The following GRM5 variants were observed in gnomAD, a reference collection of about 807,000 sequenced individuals.
The protein encoded by GRM5 is glutamate metabotropic receptor 5.
Under a neutral mutation model 83.1 loss-of-function variants are expected in GRM5, and 19 were observed. The ratio of observed to expected loss-of-function variants is 0.23; its 90% CI spans 0.16 to 0.34. The LOEUF (loss-of-function observed/expected upper bound fraction) is 0.34. GRM5 is among the 10% of genes least tolerant of loss of function. The pLI, the probability that GRM5 is intolerant of heterozygous loss-of-function variation, is 1.00. For missense variants in GRM5, 1,160 were observed against 1,588.3 expected (o/e 0.73, Z 4.58); for synonymous variants, 675 against 633.6 (o/e 1.07, Z -0.98).
In GRM5 at chr11:88,653,256, A is replaced by C. The variant is rs1480564680; in HGVS notation, c.1059T>G (p.Pro353=). The change falls in exon 4 of 10, where the codon CCT becomes CCG. Residue 353 remains proline, a synonymous_variant. Coordinates refer to ENST00000305447, the MANE Select transcript of GRM5 (RefSeq NM_001143831.3). ...GATGCTGCCAAAATTCTTGAAACCA[A>C]GGGTTTCGGTGGTTTGTTTCTGGCC... is the stretch of plus-strand genomic sequence containing the variant. ...KLRPETNHRN[P]WFQEFWQHRF... is the part of the protein sequence containing the mutation. 2 of 1,613,172 alleles carry C rather than the reference A, an allele frequency of 1.2e-6. No homozygotes were observed. The highest frequency in any genetic ancestry group is 3.3e-5 in the Admixed American group (2 of 59,892).
At chr11:88,818,261 T>C (rs1943725392) in intron 3 of GRM5, among the ~76,000 whole-genome samples, 2 of 152,120 alleles carry the variant, frequency 1.3e-5, no homozygotes, top group East Asian at 1.9e-4. Flanking sequence ...CTTGCCACCA[T>C]TATTGCTGGC....
In GRM5 at chr11:88,673,877, A is replaced by T. The variant is rs369605378; in HGVS notation, c.912-20474T>A. ...AGTATCTGTAATTTCAGATCAGGGG[A>T]TGTGACACTATTTTGAAAAAAAAAA... On this transcript the variant is annotated intron_variant, in intron 3 of 9. Coordinates refer to ENST00000305447, the MANE Select transcript of GRM5 (RefSeq NM_001143831.3). Among the ~76,000 whole-genome samples the T allele has an allele frequency of 2.8e-5, 3 of 106,132 alleles. No individual in the cohort carries two copies. The Admixed American group carries it at 3.6e-4, about 13-fold the overall frequency. 69.6% of individuals were successfully genotyped at this position (106,132 alleles called of 152,430 possible). A position where few individuals can be genotyped will look rare whatever the true frequency, so the allele number is the denominator to read the frequency against.
chr11:88,852,822 A>G (rs952754553), intron 2 of GRM5, among the ~76,000 whole-genome samples: 2 of 152,124 alleles, frequency 1.3e-5, no homozygotes, highest in Non-Finnish European at 2.9e-5. Context: ...TAAAATGGAA[A>G]AGACTGAAGT....
Position 88,508,722 on chromosome 11 carries a change from C to T in GRM5, c.3509G>A (p.Arg1170Lys). The T allele has an allele frequency of 6.3e-7, 1 of 1,592,378 alleles. No individual in the cohort carries two copies. Among genetic ancestry groups the T allele is most frequent in the Non-Finnish European group, 8.5e-7 (1 of 1,170,616 alleles). The change falls in exon 10 of 10, where the codon AGA becomes AAA. Residue 1170 changes from arginine to lysine, a missense_variant. Physicochemically the swap from Arg to Lys is conservative, Grantham distance 26. Transcript: ENST00000305447. The surrounding 1 kb of genome is among the most constrained non-coding windows in gnomAD (Gnocchi z 4.2). ...LVALTPPSPF[R>K]DSVDSGSTTP... ...TGTGCTCCCCGAGTCCACCGAGTCT[C>T]TGAAGGGGGACGGCGGGGTGAGAGC...
chr11:88,832,886 A>G (rs1260937455), intron 3 of GRM5, among the ~76,000 whole-genome samples: 3 of 144,710 alleles, frequency 2.1e-5, no homozygotes, highest in Non-Finnish European at 4.4e-5. Flanking sequence ...TTTTCAATAA[A>G]TAGTGCTGGG....
At chr11:88,922,606 C>T (rs1408229999) in intron 2 of GRM5, among the ~76,000 whole-genome samples, 1 of 151,992 alleles carries the variant, frequency 6.6e-6, no homozygotes, top group Non-Finnish European at 1.5e-5. Context: ...AAATCTGAGA[C>T]CTTAAGCTAC....
intron 2 of GRM5, among the ~76,000 whole-genome samples, chr11:88,991,802 C>T (rs995357637): frequency 1.3e-5 from 2 of 151,988 alleles, no homozygotes; most frequent in Non-Finnish European, 2.9e-5. Flanking sequence ...GGAAAACTGG[C>T]TAGCCATATG....
intron 2 of GRM5, among the ~76,000 whole-genome samples, chr11:88,896,901 C>T (rs552855553): frequency 3.3e-4 from 50 of 151,968 alleles, no homozygotes; most frequent in African/African-American, 1.2e-3. Flanking sequence ...TGTCTGAGCA[C>T]CCTGCAATCC....
intron 3 of GRM5, among the ~76,000 whole-genome samples, chr11:88,792,428 G>A (rs1168459426): frequency 1.3e-5 from 2 of 152,134 alleles, no homozygotes; most frequent in Non-Finnish European, 2.9e-5. Context: ...ATGTGGTAAT[G>A]TGGTGACCAA....
chr11:88,669,481 G>GAAAGA (rs1940138102), intron 3 of GRM5, among the ~76,000 whole-genome samples: 1 of 151,716 alleles, frequency 6.6e-6, no homozygotes, highest in African/African-American at 2.4e-5. Context: ...GTTTAATAAG[G>GAAAGA]AAAGAAAAGA....
chr11:88,775,390 C>A (rs1431039028), intron 3 of GRM5, among the ~76,000 whole-genome samples: 1 of 152,160 alleles, frequency 6.6e-6, no homozygotes, highest in East Asian at 1.9e-4. Flanking sequence ...AAAAAACCGG[C>A]TCCTGCATTC....
intron 4 of GRM5, among the ~76,000 whole-genome samples, chr11:88,606,293 C>T (rs191810202): frequency 6.6e-5 from 10 of 152,120 alleles, no homozygotes; most frequent in East Asian, 3.9e-4. Flanking sequence ...GAGGCTGAGG[C>T]GAGTGGATCA....
intron 4 of GRM5, among the ~76,000 whole-genome samples, chr11:88,649,429 T>C (rs934676010): frequency 1.4e-5 from 2 of 143,782 alleles, no homozygotes; most frequent in Non-Finnish European, 3.0e-5. Context: ...ATATTATATA[T>C]GACATTTATT....
intron 2 of GRM5, among the ~76,000 whole-genome samples, chr11:88,999,670 G>A (rs977325425): frequency 6.6e-6 from 1 of 152,146 alleles, no homozygotes; most frequent in Admixed American, 6.5e-5. Flanking sequence ...CATTGTGGAA[G>A]TCAGTGTGGC....
chr11:88,980,961 A>C (rs2135022977), intron 2 of GRM5, among the ~76,000 whole-genome samples: 1 of 152,290 alleles, frequency 6.6e-6, no homozygotes, highest in South Asian at 2.1e-4. Flanking sequence ...TATAGAAATT[A>C]TCTGTACTAT....
At chr11:88,876,611 A>G (rs1407699124) in intron 2 of GRM5, among the ~76,000 whole-genome samples, 1 of 152,046 alleles carries the variant, frequency 6.6e-6, no homozygotes, top group South Asian at 2.1e-4. Flanking sequence ...TCTAGCTTTC[A>G]TTTAAAGTGA....
chr11:88,596,186 C>T (rs11020591), intron 6 of GRM5, among the ~76,000 whole-genome samples: 10,422 of 152,146 alleles, frequency 0.069, 1,199 homozygotes, highest in African/African-American at 0.23. Context: ...TTCCACAACT[C>T]GGCATCAAAT....
At chr11:88,544,761 C>G (rs538354726) in intron 8 of GRM5, among the ~76,000 whole-genome samples, 1 of 152,194 alleles carries the variant, frequency 6.6e-6, no homozygotes, top group Admixed American at 6.5e-5. Flanking sequence ...CATAAGCAAG[C>G]AAGAAGTCTG....
chr11:88,703,787 C>T (rs780908205), intron 3 of GRM5, among the ~76,000 whole-genome samples: 10 of 152,008 alleles, frequency 6.6e-5, no homozygotes, highest in East Asian at 1.9e-4. Flanking sequence ...AAATGCAGTA[C>T]GACAATACAA....
Sources: gnomAD v4.1 joint callset for allele counts (sites outside exome capture counted in the v4.1 genomes callset) on GRCh38, gnomAD v4.1.1 for gene constraint, Gnocchi (gnomAD v3.1) non-coding constraint, MANE v1.5 for transcripts, NCBI Gene and HGNC (gene_info 2026-07-23, HGNC 2026-07-21) for gene names.